Variants in UNC5D observed in about 807,000 individuals in gnomAD.
The protein encoded by UNC5D is unc-5 netrin receptor D.
A neutral mutation model predicts 105.4 loss-of-function variants in UNC5D; 39 were observed. The ratio of observed to expected loss-of-function variants is 0.37; its 90% CI spans 0.29 to 0.48. The LOEUF (loss-of-function observed/expected upper bound fraction) is 0.48, where lower values mean the gene tolerates loss of function less well. Among genes scored for constraint, UNC5D ranks in the 20% least tolerant of loss-of-function variants. The pLI is 0.98. For missense variants in UNC5D, 991 were observed against 1,202.4 expected, an observed-to-expected ratio of 0.82 and a Z score of 2.60; for synonymous variants, 452 against 450.4, an observed-to-expected ratio of 1.00 and a Z score of -0.04.
At chr8:35,685,788 C>T (rs537228332) in intron 6 of UNC5D, among the ~76,000 whole-genome samples, 1 of 152,276 alleles carries the variant, frequency 6.6e-6, no homozygotes, top group African/African-American at 2.4e-5. Flanking sequence ...AGGACTCAGA[C>T]ATTTTGCTTC....
chr8:35,782,903 A>G (rs541672894), intron 16 of UNC5D, among the ~76,000 whole-genome samples: 4 of 152,188 alleles, frequency 2.6e-5, no homozygotes, highest in Admixed American at 1.3e-4. Flanking sequence ...AGAGGCCAAG[A>G]TGGGACAATC....
intron 1 of UNC5D, among the ~76,000 whole-genome samples, chr8:35,249,987 G>A (rs1803582511): frequency 6.6e-6 from 1 of 152,000 alleles, no homozygotes; most frequent in Non-Finnish European, 1.5e-5. Context: ...AGGGTTAGGT[G>A]AGAACATCAT....
intron 1 of UNC5D, among the ~76,000 whole-genome samples, chr8:35,480,474 T>C (rs1810411278): frequency 6.6e-6 from 1 of 152,156 alleles, no homozygotes; most frequent in South Asian, 2.1e-4. Context: ...TTGGTGGAGC[T>C]CCTGAGGAGT....
At chr8:35,242,334 GT>G (rs1802854288) in intron 1 of UNC5D, among the ~76,000 whole-genome samples, 2 of 152,290 alleles carry the variant, frequency 1.3e-5, no homozygotes, top group South Asian at 4.1e-4. Context: ...TAAGTAACTG[GT>G]AGGCAGGCAT....
At chr8:35,570,780 C>T (rs1250601900) in intron 3 of UNC5D, among the ~76,000 whole-genome samples, 1 of 151,644 alleles carries the variant, frequency 6.6e-6, no homozygotes, top group East Asian at 1.9e-4. Context: ...ATGGAGAAAC[C>T]CCATCTCTAC....
chr8:35,384,425 A>G (rs1803254505), intron 1 of UNC5D, among the ~76,000 whole-genome samples: 1 of 152,102 alleles, frequency 6.6e-6, no homozygotes, highest in South Asian at 2.1e-4. Context: ...GTGTTGCAGT[A>G]TCTCTCCTCT....
At chr8:35,327,856 C>T (rs1010831953) in intron 1 of UNC5D, among the ~76,000 whole-genome samples, 1 of 152,162 alleles carries the variant, frequency 6.6e-6, no homozygotes, top group African/African-American at 2.4e-5. Context: ...CCCAGAGATT[C>T]GGATGTTTGA....
chr8:35,728,373 G>A (rs7007647), intron 10 of UNC5D, among the ~76,000 whole-genome samples: 7,528 of 152,072 alleles, frequency 0.05, 502 homozygotes, highest in African/African-American at 0.15. Flanking sequence ...CAAAGAAAGC[G>A]AGATGAAATC....
At chr8:35,437,708 C>T (rs1035055440) in intron 1 of UNC5D, among the ~76,000 whole-genome samples, 2 of 152,050 alleles carry the variant, frequency 1.3e-5, no homozygotes, top group African/African-American at 2.4e-5. Context: ...GAAAAGAGAT[C>T]TATAAAACCT....
At chr8:35,416,207 G>A (rs1001089279) in intron 1 of UNC5D, among the ~76,000 whole-genome samples, 1 of 151,902 alleles carries the variant, frequency 6.6e-6, no homozygotes, top group African/African-American at 2.4e-5. Flanking sequence ...AAAAGGTGAA[G>A]CATAACCATA....
intron 7 of UNC5D, among the ~76,000 whole-genome samples, chr8:35,699,497 A>C (rs1383752823): frequency 6.6e-6 from 1 of 152,134 alleles, no homozygotes; most frequent in Admixed American, 6.5e-5. Context: ...AACTCATAGA[A>C]GTTGTTATTT....
chr8:35,675,512 C>G (rs1193707439), intron 4 of UNC5D, among the ~76,000 whole-genome samples: 1 of 152,086 alleles, frequency 6.6e-6, no homozygotes, highest in Non-Finnish European at 1.5e-5. Flanking sequence ...GAGGTTGCAT[C>G]TATAATATAT....
chr8:35,290,892 G>C (rs1585508681), intron 1 of UNC5D, among the ~76,000 whole-genome samples: 1 of 150,280 alleles, frequency 6.7e-6, no homozygotes. Flanking sequence ...AGGTTGCAGT[G>C]AGCTGAGATC....
chr8:35,345,842 G>GA (rs1222915909), intron 1 of UNC5D, among the ~76,000 whole-genome samples: 3 of 151,830 alleles, frequency 2.0e-5, no homozygotes, highest in South Asian at 2.1e-4. Flanking sequence ...AGACCTGACA[G>GA]AAAAAAAATT....
At chr8:35,774,242 G>A in intron 15 of UNC5D, 57 bp from the exon 16 acceptor site, 2 of 1,586,918 alleles carry the variant, frequency 1.3e-6, no homozygotes, top group Non-Finnish European at 1.7e-6. Flanking sequence ...AAATGAAAGT[G>A]TTGGTCAGGA....
At chr8:35,624,113 C>A (rs935907280) in intron 4 of UNC5D, among the ~76,000 whole-genome samples, 5 of 152,078 alleles carry the variant, frequency 3.3e-5, no homozygotes, top group Non-Finnish European at 7.4e-5. Context: ...TCTTATTTTT[C>A]CTGTTTCTCT....
chr8:35,562,541 T>C (rs547091644), intron 2 of UNC5D, among the ~76,000 whole-genome samples: 1 of 152,110 alleles, frequency 6.6e-6, no homozygotes, highest in Non-Finnish European at 1.5e-5. Flanking sequence ...TGGGGTGAGA[T>C]GTGGTTTTGA....
Position 35,256,963 on chromosome 8 carries a change from T to TG in UNC5D, c.103+21076_103+21077insG, listed in dbSNP as rs553749688. Among the ~76,000 whole-genome samples, 867 of 111,278 alleles carry TG rather than the reference T, an allele frequency of 7.8e-3. 2 individuals are homozygous for TG. Among genetic ancestry groups the TG allele is most frequent in the Admixed American group, 0.015 (160 of 10,580 alleles). 73.0% of individuals were successfully genotyped at this position (111,278 alleles called of 152,430 possible). Reference sequence around the variant, plus strand: ...TGGCTCTCCTGCTCTTTTTTTGTTTTTTTTTTTTTTTTGTTTTTTGTTTTT... The same window carrying TG: ...TGGCTCTCCTGCTCTTTTTTTGTTTTGTTTTTTTTTTTTGTTTTTTGTTTTT... On this transcript the variant is annotated intron_variant, in intron 1 of 16. Transcript: ENST00000404895.
intron 4 of UNC5D, among the ~76,000 whole-genome samples, chr8:35,606,608 A>C (rs1049697299): frequency 2.0e-5 from 3 of 152,240 alleles, no homozygotes. Context: ...CCCAATGTCT[A>C]TCATTCCTTT....
Sources: gnomAD v4.1 joint callset for allele counts (sites outside exome capture counted in the v4.1 genomes callset) on GRCh38, gnomAD v4.1.1 for gene constraint, MANE v1.5 for transcripts, NCBI Gene and HGNC (gene_info 2026-07-23, HGNC 2026-07-21) for gene names.